Variants in CTNND2 observed in about 807,000 individuals in gnomAD.
CTNND2 encodes catenin delta 2, also known as catenin delta-2.
In CTNND2, 22 loss-of-function variants were observed where a neutral mutation model predicts 144.4. That is an observed-to-expected ratio of 0.15 (90% CI 0.11 to 0.22). The LOEUF is 0.22. CTNND2 is among the 10% of genes least tolerant of loss of function. CTNND2 has a pLI of 1.00. For synonymous variants in CTNND2, 751 were observed against 695.6 expected (o/e 1.08, Z -1.25); for missense variants, 1,353 against 1,618.8 (o/e 0.84, Z 2.82).
intron 3 of CTNND2, among the ~76,000 whole-genome samples, chr5:11,430,906 G>A (rs937370050): frequency 4.6e-5 from 7 of 152,110 alleles, no homozygotes; most frequent in African/African-American, 1.4e-4. Context: ...TCTTTTCAAA[G>A]ATTCAATCGA....
intron 13 of CTNND2, among the ~76,000 whole-genome samples, chr5:11,115,841 T>A (rs1580329157): frequency 1.3e-5 from 2 of 152,212 alleles, no homozygotes; most frequent in Non-Finnish European, 1.5e-5. Context: ...GGCTCAGGCA[T>A]CAGTGATTTT....
rs1768716008 is a variant in CTNND2, at chr5:11,485,377, G to A, written c.288-73308C>T. Among the ~76,000 whole-genome samples the A allele has an allele frequency of 9.4e-5, 5 of 52,952 alleles. No individual in the cohort carries two copies. The South Asian group carries it at 4.4e-3, about 46-fold the overall frequency. 34.7% of individuals were successfully genotyped at this position (52,952 alleles called of 152,430 possible). On this transcript the variant is annotated intron_variant, in intron 3 of 21. Transcript: ENST00000304623. ...TGTGTGTGTGTGTGTGTGTGTGTGC[G>A]CGCGCGCGCGTGCGCGCGCACATTC... is the stretch of plus-strand genomic sequence containing the variant.
chr5:11,636,971 T>C (rs963539766), intron 2 of CTNND2, among the ~76,000 whole-genome samples: 2 of 151,966 alleles, frequency 1.3e-5, no homozygotes, highest in Non-Finnish European at 2.9e-5. Context: ...AATAATATCA[T>C]GATCCAGGAA....
chr5:11,031,780 C>G (rs924807713), intron 16 of CTNND2, among the ~76,000 whole-genome samples: 6 of 152,176 alleles, frequency 3.9e-5, no homozygotes, highest in Non-Finnish European at 1.5e-5. Flanking sequence ...TCACCTTTCT[C>G]CCATGCTGGA....
chr5:11,761,417 G>C (rs1487821363), intron 1 of CTNND2, among the ~76,000 whole-genome samples: 2 of 152,092 alleles, frequency 1.3e-5, no homozygotes, highest in Non-Finnish European at 2.9e-5. Context: ...TGTGAACTTT[G>C]AACAGAGGAT....
At chr5:11,468,392 T>G (rs1001904919) in intron 3 of CTNND2, among the ~76,000 whole-genome samples, 1 of 152,208 alleles carries the variant, frequency 6.6e-6, no homozygotes, top group African/African-American at 2.4e-5. Context: ...ACTTTTGGTT[T>G]TAAAAATGTC....
At chr5:11,740,511 C>T (rs1787940406) in intron 1 of CTNND2, among the ~76,000 whole-genome samples, 1 of 152,106 alleles carries the variant, frequency 6.6e-6, no homozygotes, top group South Asian at 2.1e-4. Context: ...AACTGGATCC[C>T]TTCCTTACAC....
At chr5:11,276,919 C>T (rs1034929871) in intron 9 of CTNND2, among the ~76,000 whole-genome samples, 2 of 152,206 alleles carry the variant, frequency 1.3e-5, no homozygotes, top group East Asian at 1.9e-4. Context: ...TCCCCTAGAG[C>T]TTTCCAAGGG....
At chr5:11,310,903 C>T (rs548877258) in intron 9 of CTNND2, among the ~76,000 whole-genome samples, 13 of 143,212 alleles carry the variant, frequency 9.1e-5, no homozygotes, top group African/African-American at 2.9e-4. Flanking sequence ...GCAATACACT[C>T]ACACACACTC....
Position 11,419,000 on chromosome 5 carries a change from A to C in CTNND2, c.288-6931T>G, listed in dbSNP as rs114756988. 2.1e-3 allele frequency among the ~76,000 whole-genome samples: 311 copies of C among 150,590 alleles called. 3 individuals carry two copies. Among genetic ancestry groups the C allele is most frequent in the African/African-American group, 6.5e-3 (266 of 41,108 alleles). ...AATACATATACATGCATCTCTCTAT[A>C]TATATATATCTATATAGATGTCTAT... On this transcript the variant is annotated intron_variant, in intron 3 of 21. Coordinates refer to ENST00000304623, the MANE Select transcript of CTNND2 (RefSeq NM_001332.4).
chr5:11,298,749 C>T lies in CTNND2; in HGVS notation c.1628+47623G>A, dbSNP rs116600929. Among the ~76,000 whole-genome samples the T allele has an allele frequency of 8.4e-3, 1,274 of 152,272 alleles. 8 individuals carry two copies. The highest frequency in any genetic ancestry group is 0.012 in the Non-Finnish European group (826 of 68,026). Reference sequence around the variant, plus strand: ...CAGTATAGAAATGTGGCGTGTAGCACGGGCTATAGCTACAATCCCAGACTC... The same window carrying T: ...CAGTATAGAAATGTGGCGTGTAGCATGGGCTATAGCTACAATCCCAGACTC... On this transcript the variant is annotated intron_variant, in intron 9 of 21. Transcript: ENST00000304623.
chr5:11,542,816 C>T (rs893118272), intron 3 of CTNND2, among the ~76,000 whole-genome samples: 1 of 152,184 alleles, frequency 6.6e-6, no homozygotes, highest in Admixed American at 6.5e-5. Context: ...CTCTGCTTTA[C>T]GTGGGTCCCC....
chr5:11,836,772 G>T (rs1794206504), intron 1 of CTNND2, among the ~76,000 whole-genome samples: 2 of 152,186 alleles, frequency 1.3e-5, no homozygotes, highest in African/African-American at 4.8e-5. Context: ...CCGAAGGTAG[G>T]TATATTGGCA....
intron 1 of CTNND2, among the ~76,000 whole-genome samples, chr5:11,890,640 C>A (rs1736882090): frequency 6.6e-6 from 1 of 152,098 alleles, no homozygotes; most frequent in Admixed American, 6.5e-5. Context: ...AGTAAATGAT[C>A]AATTTTAAAG....
intron 10 of CTNND2, among the ~76,000 whole-genome samples, chr5:11,206,490 C>T (rs1410430828): frequency 6.6e-6 from 1 of 152,082 alleles, no homozygotes; most frequent in African/African-American, 2.4e-5. Flanking sequence ...CTAAAGACAC[C>T]ACTCAGGAAA....
At chr5:11,637,504 T>C (rs1781773455) in intron 2 of CTNND2, among the ~76,000 whole-genome samples, 1 of 152,178 alleles carries the variant, frequency 6.6e-6, no homozygotes, top group African/African-American at 2.4e-5. Flanking sequence ...AAAGTTACTT[T>C]TTTAAATTGC....
intron 16 of CTNND2, among the ~76,000 whole-genome samples, chr5:11,033,033 C>G (rs1027699588): frequency 6.6e-6 from 1 of 152,166 alleles, no homozygotes; most frequent in Admixed American, 6.5e-5. Context: ...TAAGATATAG[C>G]CATTGCTGGA....
intron 11 of CTNND2, among the ~76,000 whole-genome samples, chr5:11,166,065 GC>G (rs1279799235): frequency 1.3e-5 from 2 of 152,042 alleles, no homozygotes; most frequent in East Asian, 3.9e-4. Context: ...GGAAAGCTGG[GC>G]TTCATTCATT....
chr5:11,378,363 G>C (rs149006485), intron 7 of CTNND2, among the ~76,000 whole-genome samples: 1 of 152,218 alleles, frequency 6.6e-6, no homozygotes, highest in African/African-American at 2.4e-5. Flanking sequence ...AGTCGCTGTC[G>C]TTGGGAGAGT....
Sources: allele counts gnomAD v4.1 joint callset (sites outside exome capture counted in the v4.1 genomes callset), GRCh38; gene constraint gnomAD v4.1.1; transcripts MANE v1.5; gene names NCBI Gene and HGNC (gene_info 2026-07-23, HGNC 2026-07-21).